The following CKAP2 variants were observed in gnomAD, a reference collection of about 807,000 sequenced individuals.
CKAP2 encodes the protein cytoskeleton-associated protein 2.
CKAP2 carries 46 observed loss-of-function variants against 58.4 expected under a neutral mutation model. The observed-to-expected ratio is 0.79, with a 90% CI of 0.62 to 1.01. CKAP2 has a LOEUF of 1.01. Among genes scored for constraint, CKAP2 ranks in the 50% least tolerant of loss-of-function variants. CKAP2 has a pLI of 0.00. For synonymous variants in CKAP2, 293 were observed against 280.9 expected (o/e 1.04, Z -0.43); for missense variants, 809 against 796.4 (o/e 1.02, Z -0.19).
In CKAP2 at chr13:52,461,938, T is replaced by C. The variant is rs757129009; in HGVS notation, c.1100+12T>C. 5.1e-6 allele frequency: 8 copies of C among 1,560,892 alleles called. No homozygotes were observed. Among genetic ancestry groups the C allele is most frequent in the African/African-American group, 1.4e-5 (1 of 72,404 alleles). ...TCGGAAGAGAGAAAGTAAGTAGATATAATTTTCTTTATTACATTAGTTTTC... is the reference window on the plus strand; with the variant it reads ...TCGGAAGAGAGAAAGTAAGTAGATACAATTTTCTTTATTACATTAGTTTTC... On this transcript the variant is annotated intron_variant, in intron 4 of 8. Transcript: ENST00000258607.
chr13:52,466,190 C>T lies in CKAP2; in HGVS notation c.1476+725C>T, dbSNP rs1397443201. Reference sequence around the variant, plus strand: ...TTATCTCTTCTAGCGTATTGATACACAAAGTTTTGGGTATAGAATAAATCA... The same window carrying T: ...TTATCTCTTCTAGCGTATTGATACATAAAGTTTTGGGTATAGAATAAATCA... On this transcript the variant is annotated intron_variant, in intron 6 of 8. Coordinates refer to ENST00000258607, the MANE Select transcript of CKAP2 (RefSeq NM_018204.5). 2.0e-5 allele frequency among the ~76,000 whole-genome samples: 3 copies of T among 152,092 alleles called. No individual in the cohort carries two copies. The East Asian group carries it at 5.8e-4, about 29-fold the overall frequency.
rs573960177 is a variant in CKAP2, at chr13:52,461,480, G to A, written c.654G>A (p.Gln218=). The change falls in exon 4 of 9, where the codon CAG becomes CAA. Residue 218 remains glutamine, a synonymous_variant. Coordinates refer to ENST00000258607, the MANE Select transcript of CKAP2 (RefSeq NM_018204.5). The part of the protein sequence containing the change: ...SATIPKATKP[Q]PVNTSSVTVK... ...CTATACCTAAAGCCACAAAACCTCAGCCTGTAAACACCAGCAGTGTAACAG... is the reference window on the plus strand; with the variant it reads ...CTATACCTAAAGCCACAAAACCTCAACCTGTAAACACCAGCAGTGTAACAG... 19 of 1,614,144 alleles carry A rather than the reference G, an allele frequency of 1.2e-5. No homozygotes were observed. In the South Asian group the frequency reaches 1.9e-4, roughly 16 times the overall value.
At chr13:52,465,241 G>A in intron 5 of CKAP2, 54 bp from the exon 6 acceptor site, 1 of 1,475,124 alleles carries the variant, frequency 6.8e-7, no homozygotes, top group East Asian at 2.3e-5. Flanking sequence ...CTCAATTATT[G>A]TTCCCACTTT....
In CKAP2 at chr13:52,473,209, T is replaced by A. The variant is rs148739792; in HGVS notation, c.1547-620T>A. On this transcript the variant is annotated intron_variant, in intron 7 of 8. Coordinates refer to ENST00000258607, the MANE Select transcript of CKAP2 (RefSeq NM_018204.5). ...CTGCCATTCTAGACAGTCCTTTACA[T>A]TGACCAAATTTAATTATGTCTGTCT... Among the ~76,000 whole-genome samples, 459 of 152,356 alleles carry A rather than the reference T, an allele frequency of 3.0e-3. 5 individuals are homozygous for A. Among genetic ancestry groups the A allele is most frequent in the South Asian group, 0.016 (78 of 4,826 alleles).
intron 5 of CKAP2, among the ~76,000 whole-genome samples, chr13:52,463,056 G>A (rs1242225084): frequency 6.6e-6 from 1 of 152,188 alleles, no homozygotes; most frequent in East Asian, 1.9e-4. Flanking sequence ...TCCTGCCTCA[G>A]CCTCCAGAGT....
At chr13:52,460,405 A>C (rs572624750) in intron 2 of CKAP2, among the ~76,000 whole-genome samples, 1 of 152,188 alleles carries the variant, frequency 6.6e-6, no homozygotes, top group East Asian at 1.9e-4. Context: ...AGAGAGTGTT[A>C]GGACTTTTAG....
rs1377118483 is a variant in CKAP2, at chr13:52,461,900, G to A, written c.1074G>A (p.Gln358=). The change falls in exon 4 of 9, where the codon CAG becomes CAA. Residue 358 remains glutamine (Q), a synonymous_variant. Transcript: ENST00000258607. ...GKAIVDSRSA[Q]PKETSEERKA... is the part of the protein sequence containing the mutation. ...CAATTGTTGATAGTAGATCAGCTCA[G>A]CCCAAAGAAACCTCGGAAGAGAGAA... The A allele has an allele frequency of 6.2e-7, 1 of 1,602,502 alleles. No homozygotes were observed. The highest frequency in any genetic ancestry group is 8.5e-7 in the Non-Finnish European group (1 of 1,176,708).
chr13:52,456,670 G>A lies in CKAP2; in HGVS notation c.155+63G>A, dbSNP rs1476708599. The A allele has an allele frequency of 3.2e-6, 4 of 1,259,710 alleles. No homozygotes were observed. In the Admixed American group the frequency reaches 6.1e-5, roughly 19 times the overall value. The allele number at this position is 1,259,710 out of a possible 1,614,324, so 78.0% of individuals were successfully genotyped here. On this transcript the variant is annotated intron_variant, in intron 2 of 8. Coordinates refer to ENST00000258607, the MANE Select transcript of CKAP2 (RefSeq NM_018204.5). ...TGTATCAGATCTGTCCAATGAAAAT[G>A]TAAAGTAAGCCATATCTGTAATTTT... is the stretch of plus-strand genomic sequence containing the variant.
chr13:52,465,319 G>A lies in CKAP2; in HGVS notation c.1330G>A (p.Val444Ile), dbSNP rs769279133. 3.3e-5 allele frequency: 54 copies of A among 1,612,814 alleles called. No individual in the cohort carries two copies. The highest frequency in any genetic ancestry group is 4.6e-5 in the Non-Finnish European group (54 of 1,179,588). The change falls in exon 6 of 9, where the codon GTC (valine) becomes ATC (isoleucine). Residue 444 changes from valine (V) to isoleucine (I), a missense_variant. Val to Ile is a conservative substitution (Grantham distance 29). This residue lies in a region of CKAP2 where 283 missense variants were observed against 287.6 expected (regional missense o/e 0.98). Transcript: ENST00000258607. ...GGGATGTCCAAAAGAAGATATACTG[G>A]TCACACTGAATGACCTGATTAAAAA... is the stretch of plus-strand genomic sequence containing the variant. ...NEGCPKEDILVTLNDLIKNIP... is the reference protein window; with the variant it reads ...NEGCPKEDILITLNDLIKNIP...
chr13:52,459,682 A>G (rs1478238520), intron 2 of CKAP2, among the ~76,000 whole-genome samples: 2 of 151,588 alleles, frequency 1.3e-5, no homozygotes, highest in Non-Finnish European at 2.9e-5. Context: ...TGAACTTAGG[A>G]TCTGTCTTAA....
intron 2 of CKAP2, among the ~76,000 whole-genome samples, chr13:52,460,225 C>T (rs1261713550): frequency 6.6e-6 from 1 of 152,080 alleles, no homozygotes; most frequent in Non-Finnish European, 1.5e-5. Context: ...TTTTGGATCA[C>T]TTCTGGGAGG....
intron 6 of CKAP2, among the ~76,000 whole-genome samples, chr13:52,466,140 C>T (rs1158620713): frequency 6.6e-6 from 1 of 152,024 alleles, no homozygotes; most frequent in Non-Finnish European, 1.5e-5. Context: ...ATTATTACCT[C>T]TATAGTGCCT....
chr13:52,472,493 G>A (rs1437696108), intron 7 of CKAP2, among the ~76,000 whole-genome samples: 1 of 151,098 alleles, frequency 6.6e-6, no homozygotes, highest in Non-Finnish European at 1.5e-5. Context: ...AAATTCAGAG[G>A]TTTTTTTTTC....
intron 7 of CKAP2, among the ~76,000 whole-genome samples, chr13:52,469,567 A>T (rs935935110): frequency 2.6e-5 from 4 of 151,780 alleles, no homozygotes; most frequent in Non-Finnish European, 4.4e-5. Context: ...GGACCATTGA[A>T]TGAAATAATA....
chr13:52,462,804 A>T (rs995291552), intron 5 of CKAP2, among the ~76,000 whole-genome samples: 1 of 152,174 alleles, frequency 6.6e-6, no homozygotes, highest in African/African-American at 2.4e-5. Flanking sequence ...AGTTCATATA[A>T]ATATACAGGT....
intron 7 of CKAP2, among the ~76,000 whole-genome samples, chr13:52,473,367 C>T (rs1300346783): frequency 1.3e-5 from 2 of 152,168 alleles, no homozygotes; most frequent in African/African-American, 2.4e-5. Context: ...TATCTAAGCT[C>T]AATACCTCCT....
Position 52,465,965 on chromosome 13 carries a change from A to G in CKAP2, c.1476+500A>G, listed in dbSNP as rs182207448. On this transcript the variant is annotated intron_variant, in intron 6 of 8. Coordinates refer to ENST00000258607, the MANE Select transcript of CKAP2 (RefSeq NM_018204.5). ...TATACACATATATATGCACACATAT[A>G]TACACACATATATGCACACATATAT... 3.5e-4 allele frequency: 97 copies of G among 276,778 alleles called. 1 individual carries two copies. Among genetic ancestry groups the G allele is most frequent in the African/African-American group, 1.9e-3 (82 of 43,444 alleles). 17.1% of individuals were successfully genotyped at this position (276,778 alleles called of 1,614,324 possible). A position where few individuals can be genotyped will look rare whatever the true frequency, so the allele number is the denominator to read the frequency against.
At chr13:52,469,384 T>C (rs1206333902) in intron 7 of CKAP2, among the ~76,000 whole-genome samples, 1 of 152,132 alleles carries the variant, frequency 6.6e-6, no homozygotes, top group Non-Finnish European at 1.5e-5. Context: ...TGATCTGTTG[T>C]GTTGGCTAGA....
rs1328768322 is a variant in CKAP2 at position 52,460,948 on chromosome 13, A to G, written c.205A>G (p.Lys69Glu). ...TGAGGACCAAGTTCAAGAAGGGACT[A>G]AAGTGCTGAAACTTAAAACAAAAAT... The part of the protein sequence containing the change: ...TSEDQVQEGT[K>E]VLKLKTKMAD... The change falls in exon 3 of 9, where the codon AAA (lysine) becomes GAA (glutamate). Residue 69 changes from lysine to glutamate, a missense_variant. By Grantham distance (56) the Lys-to-Glu change is moderately conservative (BLOSUM62 1). Transcript: ENST00000258607. 1.9e-6 allele frequency: 3 copies of G among 1,613,622 alleles called. No homozygotes were observed. The highest frequency in any genetic ancestry group is 3.3e-5 in the Admixed American group (2 of 59,952).
Sources: gnomAD v4.1 joint callset for allele counts (sites outside exome capture counted in the v4.1 genomes callset) on GRCh38, gnomAD v4.1.1 for gene constraint, gnomAD v4.1.1 regional missense constraint, MANE v1.5 for transcripts, NCBI Gene and HGNC (gene_info 2026-07-23, HGNC 2026-07-21) for gene names.